EYS: variants seen among roughly 807,000 people sequenced by gnomAD.
EYS encodes the protein protein eyes shut homolog.
EYS carries 250 observed loss-of-function variants against 282.1 expected under a neutral mutation model. The ratio of observed to expected loss-of-function variants is 0.89; its 90% CI spans 0.80 to 0.98. The LOEUF is 0.98. Among genes scored for constraint, EYS ranks in the 50% least tolerant of loss-of-function variants. The pLI is 0.00. For missense variants in EYS, 4,016 were observed against 3,709.0 expected, an observed-to-expected ratio of 1.08 and a Z score of -2.15; for synonymous variants, 1,355 against 1,282.9, an observed-to-expected ratio of 1.06 and a Z score of -1.20.
intron 33 of EYS, among the ~76,000 whole-genome samples, chr6:64,065,786 C>T (rs1771344188): frequency 1.3e-5 from 2 of 152,170 alleles, no homozygotes; most frequent in South Asian, 2.1e-4. Flanking sequence ...ACTCTGTGTG[C>T]AATTTGATTC....
At chr6:64,343,371 T>A (rs1771217218) in intron 29 of EYS, among the ~76,000 whole-genome samples, 1 of 151,982 alleles carries the variant, frequency 6.6e-6, no homozygotes, top group Admixed American at 6.6e-5. Flanking sequence ...CAGACCACAG[T>A]GCAATCAAAC....
At chr6:64,253,785 G>A (rs9362637) in intron 30 of EYS, among the ~76,000 whole-genome samples, 47,648 of 151,850 alleles carry the variant, frequency 0.31, 7,507 homozygotes, top group East Asian at 0.51. Context: ...GGCTTTAGCC[G>A]TTATGAATCA....
intron 12 of EYS, among the ~76,000 whole-genome samples, chr6:65,166,666 GT>G (rs1410879122): frequency 6.6e-6 from 1 of 151,016 alleles, no homozygotes; most frequent in African/African-American, 2.4e-5. Flanking sequence ...TTAAGCAATA[GT>G]TTTTTACATA....
intron 31 of EYS, among the ~76,000 whole-genome samples, chr6:64,085,903 T>G (rs1375257939): frequency 6.6e-6 from 1 of 152,212 alleles, no homozygotes; most frequent in Non-Finnish European, 1.5e-5. Context: ...TGTTAGCAAG[T>G]TCTTCATCGG....
intron 36 of EYS, among the ~76,000 whole-genome samples, chr6:63,812,276 T>C (rs115887996): frequency 9.5e-4 from 145 of 152,316 alleles, no homozygotes; most frequent in African/African-American, 3.2e-3. Flanking sequence ...CTTCTGCTCC[T>C]GTTCCCGGTG....
chr6:64,073,019 A>G (rs1464551075), intron 32 of EYS, among the ~76,000 whole-genome samples: 1 of 151,904 alleles, frequency 6.6e-6, no homozygotes, highest in Non-Finnish European at 1.5e-5. Context: ...CTCAGCCACT[A>G]ACATCAATGA....
rs1326415130 is a variant in EYS at position 64,043,749 on chromosome 6, A to G, written c.6725+22589T>C. ...CTAACACTGTTTTGCTGTAGATTCA[A>G]GAAAGTCATTTGGAGGTCAAATCTA... On this transcript the variant is annotated intron_variant, in intron 33 of 42. Coordinates refer to ENST00000503581, the MANE Select transcript of EYS (RefSeq NM_001142800.2). Among the ~76,000 whole-genome samples the G allele has an allele frequency of 2.0e-5, 3 of 152,340 alleles. No individual in the cohort carries two copies. The East Asian group carries it at 5.8e-4, about 29-fold the overall frequency.
chr6:64,615,748 A>G (rs1229356242), intron 24 of EYS, among the ~76,000 whole-genome samples: 1 of 152,092 alleles, frequency 6.6e-6, no homozygotes. Context: ...ATCTCTTGCT[A>G]TGACAAGTTT....
intron 40 of EYS, among the ~76,000 whole-genome samples, chr6:63,767,454 C>A (rs566338623): frequency 1.3e-5 from 2 of 151,968 alleles, no homozygotes; most frequent in African/African-American, 4.8e-5. Flanking sequence ...AGGTGAGAAC[C>A]AAAGCAAGAA....
At chr6:63,774,871 G>A (rs1384256004) in intron 40 of EYS, among the ~76,000 whole-genome samples, 22 of 137,758 alleles carry the variant, frequency 1.6e-4, no homozygotes, top group Non-Finnish European at 2.9e-4. Context: ...GAATCAAATA[G>A]CCATTTAATT....
chr6:64,048,943 C>G (rs1770719891), intron 33 of EYS, among the ~76,000 whole-genome samples: 1 of 152,096 alleles, frequency 6.6e-6, no homozygotes, highest in African/African-American at 2.4e-5. Context: ...GTTTCTCTCA[C>G]TTGAAATGCT....
chr6:64,750,120 A>C (rs2149968706), intron 22 of EYS, among the ~76,000 whole-genome samples: 1 of 152,208 alleles, frequency 6.6e-6, no homozygotes, highest in East Asian at 1.9e-4. Context: ...TATCTCTTAC[A>C]AAAAGGTTCC....
At chr6:64,553,460 A>G (rs1477601007) in intron 26 of EYS, among the ~76,000 whole-genome samples, 2 of 150,484 alleles carry the variant, frequency 1.3e-5, no homozygotes, top group Non-Finnish European at 2.9e-5. Context: ...GGCTTGTAGC[A>G]CATTTATATC....
At chr6:63,829,516 G>A (rs1462607980) in intron 36 of EYS, among the ~76,000 whole-genome samples, 1 of 152,216 alleles carries the variant, frequency 6.6e-6, no homozygotes, top group African/African-American at 2.4e-5. Context: ...GGCTGGGGGA[G>A]GGGCGTCCAC....
intron 2 of EYS, among the ~76,000 whole-genome samples, chr6:65,620,006 T>C (rs1414290801): frequency 6.6e-6 from 1 of 152,138 alleles, no homozygotes; most frequent in African/African-American, 2.4e-5. Flanking sequence ...GATATTGGTC[T>C]AAAATTCTCT....
intron 28 of EYS, among the ~76,000 whole-genome samples, chr6:64,407,846 C>T (rs929015535): frequency 2.6e-5 from 4 of 152,060 alleles, no homozygotes; most frequent in African/African-American, 9.7e-5. Flanking sequence ...ATTCTCCTGC[C>T]TCAGCCTCCC....
At chr6:65,630,565 A>G (rs994304257) in intron 2 of EYS, among the ~76,000 whole-genome samples, 1 of 152,240 alleles carries the variant, frequency 6.6e-6, no homozygotes, top group Non-Finnish European at 1.5e-5. Context: ...AAACCGGTAT[A>G]TGTGAAAGTC....
At chr6:64,130,946 C>A (rs956418228) in intron 31 of EYS, among the ~76,000 whole-genome samples, 1 of 152,162 alleles carries the variant, frequency 6.6e-6, no homozygotes, top group East Asian at 1.9e-4. Context: ...CAGCTCATTG[C>A]AACCTCCGCC....
chr6:65,502,061 A>G (rs1439176973), intron 2 of EYS, among the ~76,000 whole-genome samples: 2 of 151,628 alleles, frequency 1.3e-5, no homozygotes, highest in Non-Finnish European at 3.0e-5. Context: ...TCCATTGTCT[A>G]TGTTTTAGCT....
Sources: allele counts gnomAD v4.1 joint callset (sites outside exome capture counted in the v4.1 genomes callset), GRCh38; gene constraint gnomAD v4.1.1; transcripts MANE v1.5; gene names NCBI Gene and HGNC (gene_info 2026-07-23, HGNC 2026-07-21).